Variants in FAM3D observed in about 807,000 individuals in gnomAD.
FAM3D encodes FAM3 metabolism regulating signaling molecule D.
Under a neutral mutation model 29.8 loss-of-function variants are expected in FAM3D, and 26 were observed. The observed-to-expected ratio is 0.87, with a 90% CI of 0.64 to 1.21. The LOEUF (loss-of-function observed/expected upper bound fraction) is 1.21. Ranked by LOEUF, FAM3D falls within the 50% of genes most tolerant of loss-of-function variation. FAM3D has a pLI of 0.00. For missense variants in FAM3D, 253 were observed against 290.9 expected, an observed-to-expected ratio of 0.87 and a Z score of 0.95; for synonymous variants, 115 against 102.3, an observed-to-expected ratio of 1.12 and a Z score of -0.75.
intron 4 of FAM3D, 32 bp downstream of exon 4, chr3:58,649,283 C>T (rs371548809): frequency 1.6e-5 from 26 of 1,606,204 alleles, no homozygotes; most frequent in South Asian, 1.6e-4. Context: ...TGGATGAGGT[C>T]GGGGGAGGTG....
In FAM3D at chr3:58,644,632, A is replaced by G. The variant is rs532327094; in HGVS notation, c.263+877T>C. On this transcript the variant is annotated intron_variant, in intron 5 of 9. Coordinates refer to ENST00000358781, the MANE Select transcript of FAM3D (RefSeq NM_138805.3). The stretch of plus-strand genomic sequence containing the variant: ...TTGGTCATGTGACCCAGGCCAATCA[A>G]TGAAATACAGGCTTGGGACTTTTGC... Among the ~76,000 whole-genome samples, 89 of 152,324 alleles carry G rather than the reference A, an allele frequency of 5.8e-4. 2 individuals are homozygous for G. The South Asian group carries it at 0.018, about 30-fold the overall frequency.
intron 1 of FAM3D, among the ~76,000 whole-genome samples, chr3:58,662,680 T>A (rs1300337519): frequency 1.3e-5 from 2 of 152,136 alleles, no homozygotes; most frequent in Non-Finnish European, 2.9e-5. Flanking sequence ...GGAGTTGGGG[T>A]GGTGGACATC....
At chr3:58,660,579 A>G (rs1370055462) in intron 1 of FAM3D, among the ~76,000 whole-genome samples, 1 of 152,242 alleles carries the variant, frequency 6.6e-6, no homozygotes, top group Non-Finnish European at 1.5e-5. Flanking sequence ...TTGGAAGGAA[A>G]GAAGCCCATT....
At chr3:58,649,164 G>C in intron 4 of FAM3D, 151 bp downstream of exon 4, 1 of 953,828 alleles carries the variant, frequency 1.0e-6, no homozygotes, top group Non-Finnish European at 1.6e-6. Flanking sequence ...GGCCATGGGA[G>C]GAGAGGACTG....
chr3:58,642,382 C>G (rs2066358522), intron 6 of FAM3D, among the ~76,000 whole-genome samples: 1 of 152,190 alleles, frequency 6.6e-6, no homozygotes, highest in Non-Finnish European at 1.5e-5. Context: ...GCCGGGGCTC[C>G]CATCCTACCC....
At chr3:58,660,860 G>A (rs2066916467) in intron 1 of FAM3D, among the ~76,000 whole-genome samples, 1 of 152,176 alleles carries the variant, frequency 6.6e-6, no homozygotes, top group African/African-American at 2.4e-5. Flanking sequence ...AAGAAGTAAG[G>A]GAAACTGAGG....
At chr3:58,664,268 T>A (rs527696067) in intron 1 of FAM3D, among the ~76,000 whole-genome samples, 1 of 152,342 alleles carries the variant, frequency 6.6e-6, no homozygotes, top group South Asian at 2.1e-4. Flanking sequence ...TCCATATGCG[T>A]TGCCCAGTTT....
At position 58,634,183 on chromosome 3, in the gene FAM3D, C is replaced by A. The variant is rs978767327; in HGVS notation, c.*96G>T. 5 of 1,121,514 alleles carry A rather than the reference C, an allele frequency of 4.5e-6. No homozygotes were observed. The highest frequency in any genetic ancestry group is 5.2e-6 in the Non-Finnish European group (4 of 770,672). The allele number at this position is 1,121,514 out of a possible 1,614,324, so 69.5% of individuals were successfully genotyped here. On this transcript the variant is annotated 3_prime_UTR_variant, in exon 10 of 10. Transcript: ENST00000358781. This position sits in a 1 kb window ranked among gnomAD's most constrained non-coding sequence, Gnocchi z 4.6. ...GACCTGCAGCACCTTCCACGCAGCA[C>A]CCCCTGCTCCTCCTCCTCAGCCCCT...
intron 6 of FAM3D, among the ~76,000 whole-genome samples, chr3:58,643,090 TTCTGCATCCCAGC>T (rs1377157788): frequency 2.0e-5 from 3 of 152,222 alleles, no homozygotes; most frequent in Non-Finnish European, 2.9e-5. Flanking sequence ...CTGTCCCCTG[TTCTGCATCCCAGC>T]TCTGCATCCC....
intron 3 of FAM3D, among the ~76,000 whole-genome samples, chr3:58,650,483 G>A (rs1479110343): frequency 2.6e-5 from 4 of 152,134 alleles, no homozygotes; most frequent in Non-Finnish European, 5.9e-5. Flanking sequence ...AGGAGCCATC[G>A]TGCCTGCCTT....
intron 2 of FAM3D, among the ~76,000 whole-genome samples, chr3:58,654,712 G>A (rs1293757042): frequency 2.7e-5 from 4 of 150,332 alleles, no homozygotes; most frequent in African/African-American, 7.4e-5. Context: ...CCCCAGCCCC[G>A]AATTCAGCTC....
chr3:58,640,025 GCACCAGGTACCTCGAGC>G, intron 7 of FAM3D, 85 bp downstream of exon 7: 1 of 1,275,722 alleles, frequency 7.8e-7, no homozygotes, highest in Non-Finnish European at 1.1e-6. Context: ...GTGGAAAGAA[GCACCAGGTACCTCGAGC>G]CACCAGGTCC....
chr3:58,660,524 C>A (rs2066909986), intron 1 of FAM3D, among the ~76,000 whole-genome samples: 1 of 152,132 alleles, frequency 6.6e-6, no homozygotes, highest in South Asian at 2.1e-4. Context: ...AATCCATAAA[C>A]AATAAGACTA....
At position 58,634,122 on chromosome 3, in the gene FAM3D, G is replaced by C; in HGVS notation, c.*157C>G. 1.6e-6 allele frequency: 1 copy of C among 621,566 alleles called. No individual in the cohort carries two copies. Among genetic ancestry groups the C allele is most frequent in the South Asian group, 2.0e-5 (1 of 51,246 alleles). 38.5% of individuals were successfully genotyped at this position (621,566 alleles called of 1,614,324 possible). ...GTAGGATGTGCTGTGGGAGGGTTCT[G>C]TTTCCGAGGAGGAGAGGCGCGACAC... On this transcript the variant is annotated 3_prime_UTR_variant, in exon 10 of 10. Transcript: ENST00000358781. This position sits in a 1 kb window ranked among gnomAD's most constrained non-coding sequence, Gnocchi z 4.6.
At position 58,634,458 on chromosome 3, in the gene FAM3D, G is replaced by C; in HGVS notation, c.586-90C>G. On this transcript the variant is annotated intron_variant, in intron 9 of 9. Transcript: ENST00000358781. This position sits in a 1 kb window ranked among gnomAD's most constrained non-coding sequence, Gnocchi z 4.6. Reference sequence around the variant, plus strand: ...TGGACACTGTGCTCTAAACCTAAATGGGGGTGTGGGATGTTATTAACCCAC... The same window carrying C: ...TGGACACTGTGCTCTAAACCTAAATCGGGGTGTGGGATGTTATTAACCCAC... The C allele has an allele frequency of 8.7e-7, 1 of 1,153,710 alleles. No individual in the cohort carries two copies. The highest frequency in any genetic ancestry group is 1.3e-6 in the Non-Finnish European group (1 of 796,354). 71.5% of individuals were successfully genotyped at this position (1,153,710 alleles called of 1,614,324 possible).
intron 1 of FAM3D, among the ~76,000 whole-genome samples, chr3:58,659,483 G>A (rs1380371564): frequency 6.6e-6 from 1 of 152,234 alleles, no homozygotes; most frequent in East Asian, 1.9e-4. Flanking sequence ...TGAGAAGGTG[G>A]AGCAGTGCAC....
Position 58,653,716 on chromosome 3 carries a change from T to G in FAM3D, c.79A>C (p.Met27Leu), listed in dbSNP as rs777162177. 23 of 1,613,960 alleles carry G rather than the reference T, an allele frequency of 1.4e-5. No homozygotes were observed. Among genetic ancestry groups the G allele is most frequent in the Non-Finnish European group, 1.9e-5 (23 of 1,180,052 alleles). ...CGGATGGTTTTCATGCTGAAGCTCA[T>G]GTAGCTTCGAATAAACATCCATGTC... Reference protein sequence around the residue: ...VTTWMFIRSYMSFSMKTIRLP... With the variant: ...VTTWMFIRSYLSFSMKTIRLP... Residue 27 changes from methionine to leucine, a missense_variant, in exon 3 of 10, where the codon ATG becomes CTG. Transcript: ENST00000358781.
At chr3:58,656,881 G>A (rs904525900) in intron 1 of FAM3D, among the ~76,000 whole-genome samples, 19 of 152,090 alleles carry the variant, frequency 1.2e-4, no homozygotes, top group African/African-American at 1.9e-4. Context: ...AGAGGTGCTC[G>A]GGCTGAACCA....
intron 1 of FAM3D, among the ~76,000 whole-genome samples, chr3:58,662,168 C>T (rs966277599): frequency 1.3e-5 from 2 of 152,202 alleles, no homozygotes; most frequent in African/African-American, 2.4e-5. Context: ...TGGGTTCACC[C>T]CCTGGCCCCT....
Sources: gnomAD v4.1 joint callset for allele counts (sites outside exome capture counted in the v4.1 genomes callset) on GRCh38, gnomAD v4.1.1 for gene constraint, Gnocchi (gnomAD v3.1) non-coding constraint, MANE v1.5 for transcripts, NCBI Gene and HGNC (gene_info 2026-07-23, HGNC 2026-07-21) for gene names.